The following STXBP6 variants were observed in gnomAD, a reference collection of about 807,000 sequenced individuals.
The protein encoded by STXBP6 is syntaxin-binding protein 6.
In STXBP6, 21 loss-of-function variants were observed where a neutral mutation model predicts 26.9. The ratio of observed to expected loss-of-function variants is 0.78; its 90% confidence interval spans 0.55 to 1.12. STXBP6 has a LOEUF of 1.12. Ranked by LOEUF, STXBP6 falls within the 50% of genes most tolerant of loss-of-function variation. The pLI, the probability that STXBP6 is intolerant of heterozygous loss-of-function variation, is 0.00. For synonymous variants in STXBP6, 97 were observed against 92.6 expected, an observed-to-expected ratio of 1.05 and a Z score of -0.27; for missense variants, 232 against 257.9, an observed-to-expected ratio of 0.90 and a Z score of 0.69.
intron 2 of STXBP6, among the ~76,000 whole-genome samples, chr14:24,867,215 A>T (rs1033332991): frequency 1.3e-5 from 2 of 152,176 alleles, no homozygotes; most frequent in Admixed American, 1.3e-4. Context: ...ATGAGGACAC[A>T]GCATTCATCT....
intron 1 of STXBP6, among the ~76,000 whole-genome samples, chr14:25,007,269 A>C (rs1407980743): frequency 6.6e-6 from 1 of 152,242 alleles, no homozygotes; most frequent in Non-Finnish European, 1.5e-5. Context: ...TGTACACGTA[A>C]GGGCTGTCAG....
At chr14:24,883,911 T>C (rs180898755) in intron 2 of STXBP6, among the ~76,000 whole-genome samples, 31 of 152,254 alleles carry the variant, frequency 2.0e-4, no homozygotes, top group Non-Finnish European at 3.7e-4. Context: ...TCTTAAGTAA[T>C]TGGCAAACAA....
In STXBP6 at chr14:24,979,603, A is replaced by G. The variant is rs181072655; in HGVS notation, c.-32-4753T>C. On this transcript the variant is annotated intron_variant, in intron 1 of 5. Coordinates refer to ENST00000323944, the MANE Select transcript of STXBP6 (RefSeq NM_001394410.1). The stretch of plus-strand genomic sequence containing the variant: ...TCCCACCTATAATGTTGATGACACT[A>G]ATCATGCATCCAACTCAGAGTGTCT... Among the ~76,000 whole-genome samples, 817 of 152,334 alleles carry G rather than the reference A, an allele frequency of 5.4e-3. 5 individuals carry two copies. The highest frequency in any genetic ancestry group is 9.3e-3 in the Non-Finnish European group (635 of 68,006).
At chr14:25,003,825 C>A (rs1229595891) in intron 1 of STXBP6, among the ~76,000 whole-genome samples, 2 of 152,252 alleles carry the variant, frequency 1.3e-5, no homozygotes, top group Non-Finnish European at 2.9e-5. Context: ...CATGAATTGA[C>A]AGCAACACAA....
chr14:24,990,294 G>A (rs189490409), intron 1 of STXBP6, among the ~76,000 whole-genome samples: 1 of 152,276 alleles, frequency 6.6e-6, no homozygotes, highest in Non-Finnish European at 1.5e-5. Flanking sequence ...TCCAAGCTGA[G>A]TAGGATGGGG....
At chr14:24,876,651 C>A (rs1195358056) in intron 2 of STXBP6, among the ~76,000 whole-genome samples, 3 of 152,148 alleles carry the variant, frequency 2.0e-5, no homozygotes, top group African/African-American at 7.2e-5. Context: ...AATCTTACTT[C>A]CCTTGAGATA....
chr14:25,022,993 T>C (rs761914129), intron 1 of STXBP6, among the ~76,000 whole-genome samples: 1 of 152,208 alleles, frequency 6.6e-6, no homozygotes, highest in Non-Finnish European at 1.5e-5. Context: ...TACTTTAGCA[T>C]TAGCAGCCAT....
intron 4 of STXBP6, among the ~76,000 whole-genome samples, chr14:24,841,044 T>C (rs2068768545): frequency 6.6e-6 from 1 of 152,220 alleles, no homozygotes; most frequent in African/African-American, 2.4e-5. Context: ...ATTTTTACCA[T>C]GTTTGCAATC....
intron 4 of STXBP6, among the ~76,000 whole-genome samples, chr14:24,855,178 C>T (rs962430980): frequency 2.0e-5 from 3 of 152,096 alleles, no homozygotes; most frequent in Non-Finnish European, 4.4e-5. Context: ...ATGTATTTAA[C>T]GTGATCTTCA....
chr14:24,915,597 A>G (rs1433427896), intron 2 of STXBP6, among the ~76,000 whole-genome samples: 2 of 152,176 alleles, frequency 1.3e-5, no homozygotes, highest in Non-Finnish European at 2.9e-5. Flanking sequence ...CATAGAAATT[A>G]GCATAAACTA....
intron 1 of STXBP6, among the ~76,000 whole-genome samples, chr14:24,998,177 T>C (rs1335047773): frequency 2.6e-5 from 4 of 152,206 alleles, no homozygotes; most frequent in Admixed American, 6.5e-5. Flanking sequence ...CTAGGTATTA[T>C]CAGTTGTACT....
chr14:24,877,974 A>G (rs1482184104), intron 2 of STXBP6, among the ~76,000 whole-genome samples: 1 of 152,112 alleles, frequency 6.6e-6, no homozygotes, highest in Non-Finnish European at 1.5e-5. Flanking sequence ...ATCTCAGTGT[A>G]GTTTTAACTT....
intron 4 of STXBP6, among the ~76,000 whole-genome samples, chr14:24,826,956 T>A (rs1043992137): frequency 6.6e-6 from 1 of 152,164 alleles, no homozygotes; most frequent in African/African-American, 2.4e-5. Context: ...TCTCAGCACT[T>A]TGGGAGGCCA....
chr14:24,886,675 C>T (rs2070600061), intron 2 of STXBP6, among the ~76,000 whole-genome samples: 1 of 152,198 alleles, frequency 6.6e-6, no homozygotes, highest in Admixed American at 6.5e-5. Context: ...CATTTGCCAA[C>T]ACTTTGTGCA....
intron 2 of STXBP6, among the ~76,000 whole-genome samples, chr14:24,866,285 G>A (rs1468700763): frequency 6.6e-6 from 1 of 152,086 alleles, no homozygotes; most frequent in Non-Finnish European, 1.5e-5. Flanking sequence ...CTGCCTTGCA[G>A]ATTTTGGACT....
At chr14:25,031,573 A>C (rs1250997183) in intron 1 of STXBP6, among the ~76,000 whole-genome samples, 2 of 152,250 alleles carry the variant, frequency 1.3e-5, no homozygotes, top group Non-Finnish European at 2.9e-5. Context: ...AACATCAAAG[A>C]AAATAAAGAT....
At chr14:24,833,500 G>A (rs2138936879) in intron 4 of STXBP6, among the ~76,000 whole-genome samples, 1 of 152,310 alleles carries the variant, frequency 6.6e-6, no homozygotes, top group East Asian at 1.9e-4. Context: ...ATTAGTAAGT[G>A]TACAATAGTG....
At chr14:24,852,728 G>A (rs1340402800) in intron 4 of STXBP6, among the ~76,000 whole-genome samples, 2 of 152,054 alleles carry the variant, frequency 1.3e-5, no homozygotes, top group South Asian at 2.1e-4. Context: ...CCATAAAGGC[G>A]GGTTTTCTCC....
intron 2 of STXBP6, among the ~76,000 whole-genome samples, chr14:24,876,445 A>G (rs888224532): frequency 1.3e-5 from 2 of 152,178 alleles, no homozygotes; most frequent in Non-Finnish European, 2.9e-5. Flanking sequence ...TGAAAAGGAA[A>G]TTATTCCAGT....
Sources: allele counts gnomAD v4.1 joint callset (sites outside exome capture counted in the v4.1 genomes callset), GRCh38; gene constraint gnomAD v4.1.1; transcripts MANE v1.5; gene names NCBI Gene and HGNC (gene_info 2026-07-23, HGNC 2026-07-21).